SPOPL: variants seen among roughly 807,000 people sequenced by gnomAD.
SPOPL encodes the protein speckle-type POZ protein-like.
SPOPL carries 23 observed loss-of-function variants against 53.8 expected under a neutral mutation model. The ratio of observed to expected loss-of-function variants is 0.43; its 90% CI spans 0.31 to 0.61. SPOPL has a LOEUF of 0.61. Among genes scored for constraint, SPOPL ranks in the 20% least tolerant of loss-of-function variants. The pLI, the probability that SPOPL is intolerant of heterozygous loss-of-function variation, is 0.12. For synonymous variants in SPOPL, 164 were observed against 149.7 expected, an observed-to-expected ratio of 1.10 and a Z score of -0.70; for missense variants, 442 against 466.9, an observed-to-expected ratio of 0.95 and a Z score of 0.49.
chr2:138,521,334 ATCCAAG>A (rs890900471), intron 1 of SPOPL, among the ~76,000 whole-genome samples: 2 of 150,980 alleles, frequency 1.3e-5, no homozygotes, highest in Non-Finnish European at 2.9e-5. Flanking sequence ...TAGAAGTAGA[ATCCAAG>A]TATCTCAGCA....
At position 138,552,609 on chromosome 2, in the gene SPOPL, C is replaced by A. The variant is rs1685337242; in HGVS notation, c.408C>A (p.Phe136Leu). ...VQGKDWGFKK[F>L]IRRDFLLDEA... ...GGAAGGACTGGGGTTTTAAAAAATT[C>A]ATTAGAAGGGACTTTTTGCTTGATG... Residue 136 changes from phenylalanine to leucine, a missense_variant, in exon 5 of 11, where the codon TTC (phenylalanine) becomes TTA (leucine). By Grantham distance (22) the Phe-to-Leu change is conservative. Coordinates refer to ENST00000280098, the MANE Select transcript of SPOPL (RefSeq NM_001001664.3). 6.2e-7 allele frequency: 1 copy of A among 1,613,006 alleles called. No homozygotes were observed. Among genetic ancestry groups the A allele is most frequent in the Non-Finnish European group, 8.5e-7 (1 of 1,179,350 alleles).
At chr2:138,566,724 T>C (rs945379759) in intron 10 of SPOPL, among the ~76,000 whole-genome samples, 6 of 152,342 alleles carry the variant, frequency 3.9e-5, no homozygotes, top group African/African-American at 1.4e-4. Flanking sequence ...AGTACAATGC[T>C]AGGGTGCTGC....
Position 138,559,089 on chromosome 2 carries a change from A to C in SPOPL, c.548A>C (p.Glu183Ala). The change falls in exon 6 of 11, where the codon GAG becomes GCG. Residue 183 changes from glutamate to alanine, a missense_variant. Glu to Ala is a moderately radical substitution (Grantham distance 107). Coordinates refer to ENST00000280098, the MANE Select transcript of SPOPL (RefSeq NM_001001664.3). ...AATACAAATACTTTGAAGGTGCCTG[A>C]GTGTCGTCTAGCAGAAGATTTAGGT... is the stretch of plus-strand genomic sequence containing the variant. ...HTNTNTLKVP[E>A]CRLAEDLGNL... is the part of the protein sequence containing the mutation. The C allele has an allele frequency of 6.2e-7, 1 of 1,613,808 alleles. No individual in the cohort carries two copies. The highest frequency in any genetic ancestry group is 2.2e-5 in the East Asian group (1 of 44,814).
chr2:138,568,806 A>C (rs1685719089), intron 10 of SPOPL, 130 bp from the exon 11 acceptor site: 1 of 938,096 alleles, frequency 1.1e-6, no homozygotes, highest in Non-Finnish European at 1.6e-6. Context: ...TAATAAAAGC[A>C]AATGATTTGA....
chr2:138,524,944 T>C (rs924182397), intron 1 of SPOPL, among the ~76,000 whole-genome samples: 11 of 152,022 alleles, frequency 7.2e-5, no homozygotes, highest in African/African-American at 2.4e-4. Flanking sequence ...TGCCTCCTTC[T>C]GAGCCCTCCA....
Position 138,559,414 on chromosome 2 carries a change from A to G in SPOPL, c.714+77A>G, listed in dbSNP as rs1685497914. ...GGGTGTATGTTTTAAAAGTAATAGT[A>G]CAATGTTCTCATTGTCATACTGTGA... On this transcript the variant is annotated intron_variant, in intron 7 of 10. Transcript: ENST00000280098. 6 of 1,415,344 alleles carry G rather than the reference A, an allele frequency of 4.2e-6. No homozygotes were observed. The Admixed American group carries it at 1.5e-4, about 35-fold the overall frequency. The allele number at this position is 1,415,344 out of a possible 1,614,324, so 87.7% of individuals were successfully genotyped here. A position where few individuals can be genotyped will look rare whatever the true frequency, so the allele number is the denominator to read the frequency against.
chr2:138,551,633 A>G (rs1685315711), intron 4 of SPOPL, among the ~76,000 whole-genome samples: 1 of 152,070 alleles, frequency 6.6e-6, no homozygotes, highest in Non-Finnish European at 1.5e-5. Flanking sequence ...TGGCAGGAGA[A>G]TAATATTTTC....
At chr2:138,506,132 C>G (rs556480160) in intron 1 of SPOPL, among the ~76,000 whole-genome samples, 2 of 152,284 alleles carry the variant, frequency 1.3e-5, no homozygotes, top group African/African-American at 4.8e-5. Context: ...TTAAAAAAAT[C>G]AGTTGGCTGC....
At chr2:138,519,628 G>A (rs1314537432) in intron 1 of SPOPL, among the ~76,000 whole-genome samples, 1 of 151,914 alleles carries the variant, frequency 6.6e-6, no homozygotes, top group Non-Finnish European at 1.5e-5. Flanking sequence ...GTGTGACCCC[G>A]TCCCAAAACA....
intron 1 of SPOPL, among the ~76,000 whole-genome samples, chr2:138,512,243 C>T (rs927278787): frequency 2.6e-5 from 4 of 152,200 alleles, no homozygotes; most frequent in Non-Finnish European, 5.9e-5. Flanking sequence ...ACAATTTTGA[C>T]ATCTAAATTA....
chr2:138,502,946 T>C (rs1684138128), intron 1 of SPOPL, among the ~76,000 whole-genome samples: 1 of 152,232 alleles, frequency 6.6e-6, no homozygotes, highest in South Asian at 2.1e-4. Context: ...CTGAACTCTG[T>C]CATTCAGTGA....
intron 7 of SPOPL, 135 bp from the exon 8 acceptor site, chr2:138,560,670 T>C: frequency 1.1e-6 from 1 of 937,830 alleles, no homozygotes; most frequent in Non-Finnish European, 1.5e-6. Flanking sequence ...TAGAAATATC[T>C]GTGTATGTAT....
chr2:138,503,939 C>G (rs894216345), intron 1 of SPOPL, among the ~76,000 whole-genome samples: 1 of 152,182 alleles, frequency 6.6e-6, no homozygotes, highest in Non-Finnish European at 1.5e-5. Flanking sequence ...TTCATATTCA[C>G]ATGTCTTCTT....
intron 1 of SPOPL, among the ~76,000 whole-genome samples, chr2:138,525,259 T>G (rs1684645421): frequency 6.6e-6 from 1 of 152,088 alleles, no homozygotes; most frequent in Non-Finnish European, 1.5e-5. Flanking sequence ...TCAGATCTCA[T>G]GAGACTCATT....
Position 138,561,263 on chromosome 2 carries a change from T to C in SPOPL, c.837+336T>C, listed in dbSNP as rs545110331. The stretch of plus-strand genomic sequence containing the variant: ...TAGTCTTGAGATATAGTGCATGACC[T>C]TTTTTAAAAAAAGGAAAAAATATTG... On this transcript the variant is annotated intron_variant, in intron 8 of 10. Coordinates refer to ENST00000280098, the MANE Select transcript of SPOPL (RefSeq NM_001001664.3). 6.3e-4 allele frequency among the ~76,000 whole-genome samples: 96 copies of C among 152,154 alleles called. 1 individual carries two copies. Among genetic ancestry groups the C allele is most frequent in the Admixed American group, 1.8e-3 (28 of 15,280 alleles).
rs1185778459 is a variant in SPOPL, at chr2:138,568,923, T to C, written c.1035-13T>C. ...GTATTCTTTAGTAAATATCTTTTAA[T>C]TCTATTTTTCAGCCAAGCAACCGAC... is the stretch of plus-strand genomic sequence containing the variant. On this transcript the variant is annotated splice_polypyrimidine_tract_variant and intron_variant, in intron 10 of 10. Coordinates refer to ENST00000280098, the MANE Select transcript of SPOPL (RefSeq NM_001001664.3). 6.2e-7 allele frequency: 1 copy of C among 1,613,332 alleles called. No individual in the cohort carries two copies. The highest frequency in any genetic ancestry group is 2.2e-5 in the East Asian group (1 of 44,874).
intron 10 of SPOPL, among the ~76,000 whole-genome samples, chr2:138,567,958 T>A (rs2104909305): frequency 6.6e-6 from 1 of 152,052 alleles, no homozygotes. Context: ...AATATCAGAG[T>A]ATAAAATGCC....
chr2:138,526,727 A>AT (rs34816039), intron 1 of SPOPL, among the ~76,000 whole-genome samples: 72,274 of 140,742 alleles, frequency 0.51, 20,597 homozygotes, highest in Non-Finnish European at 0.66. Context: ...AGAGTATGGA[A>AT]TTTTTTTTTT....
chr2:138,569,375 G>A lies in SPOPL; in HGVS notation c.*295G>A. ...TGTCATTTTGACCAAGGCTATGCAGGATTGCACTAGCTCCATAATGCAGTA... is the reference window on the plus strand; with the variant it reads ...TGTCATTTTGACCAAGGCTATGCAGAATTGCACTAGCTCCATAATGCAGTA... On this transcript the variant is annotated 3_prime_UTR_variant, in exon 11 of 11. Coordinates refer to ENST00000280098, the MANE Select transcript of SPOPL (RefSeq NM_001001664.3). 7.5e-6 allele frequency: 2 copies of A among 267,332 alleles called. No individual in the cohort carries two copies. The highest frequency in any genetic ancestry group is 7.0e-6 in the Non-Finnish European group (1 of 141,856). 16.6% of individuals were successfully genotyped at this position (267,332 alleles called of 1,614,324 possible). A position where few individuals can be genotyped will look rare whatever the true frequency, so the allele number is the denominator to read the frequency against.
Sources: gnomAD v4.1 joint callset for allele counts (sites outside exome capture counted in the v4.1 genomes callset) on GRCh38, gnomAD v4.1.1 for gene constraint, MANE v1.5 for transcripts, NCBI Gene and HGNC (gene_info 2026-07-23, HGNC 2026-07-21) for gene names.